The following MCUB variants were observed in gnomAD, a reference collection of about 807,000 sequenced individuals.
MCUB encodes the protein mitochondrial calcium uniporter dominant negative subunit beta.
In MCUB, 46 loss-of-function variants were observed where a neutral mutation model predicts 41.4. That is an observed-to-expected ratio of 1.11 (90% CI 0.88 to 1.42). The LOEUF is 1.42. Ranked by LOEUF, MCUB falls within the 40% of genes most tolerant of loss-of-function variation. MCUB has a pLI of 0.00. For synonymous variants in MCUB, 148 were observed against 148.2 expected, an observed-to-expected ratio of 1.00 and a Z score of 0.01; for missense variants, 403 against 404.9, an observed-to-expected ratio of 1.00 and a Z score of 0.04.
At chr4:109,635,884 G>A (rs777284474) in intron 1 of MCUB, among the ~76,000 whole-genome samples, 3 of 149,832 alleles carry the variant, frequency 2.0e-5, no homozygotes, top group Non-Finnish European at 4.4e-5. Context: ...TGCTTATTAT[G>A]TAAAATGCAG....
chr4:109,560,452 G>A lies in MCUB; in HGVS notation c.99+16G>A. 8.4e-7 allele frequency: 1 copy of A among 1,185,738 alleles called. No homozygotes were observed. The highest frequency in any genetic ancestry group is 1.1e-6 in the Non-Finnish European group (1 of 931,008). 73.5% of individuals were successfully genotyped at this position (1,185,738 alleles called of 1,614,324 possible). A position where few individuals can be genotyped will look rare whatever the true frequency, so the allele number is the denominator to read the frequency against. On this transcript the variant is annotated intron_variant, in intron 1 of 7. Coordinates refer to ENST00000394650, the MANE Select transcript of MCUB (RefSeq NM_017918.5). ...TCCGCCCCAGGTAAGAGCGGGTGCCGGGCTGTGGGGGTTCGGGGTAGGCTG... is the reference window on the plus strand; with the variant it reads ...TCCGCCCCAGGTAAGAGCGGGTGCCAGGCTGTGGGGGTTCGGGGTAGGCTG...
At chr4:109,617,071 T>C (rs1420148389) in intron 1 of MCUB, among the ~76,000 whole-genome samples, 1 of 152,238 alleles carries the variant, frequency 6.6e-6, no homozygotes, top group Non-Finnish European at 1.5e-5. Flanking sequence ...TTGTGATCTC[T>C]CTGCTTTGTA....
chr4:109,578,700 G>C (rs1727092362), intron 1 of MCUB, among the ~76,000 whole-genome samples: 1 of 152,040 alleles, frequency 6.6e-6, no homozygotes, highest in Non-Finnish European at 1.5e-5. Flanking sequence ...TAGAGACAAG[G>C]TCTCACTGTG....
chr4:109,583,708 A>G (rs1727238649), intron 1 of MCUB, among the ~76,000 whole-genome samples: 1 of 152,156 alleles, frequency 6.6e-6, no homozygotes, highest in South Asian at 2.1e-4. Context: ...TTTGTCATAA[A>G]TAGCTCTTAT....
At chr4:109,598,306 T>C (rs1239990650) in intron 1 of MCUB, among the ~76,000 whole-genome samples, 2 of 151,938 alleles carry the variant, frequency 1.3e-5, no homozygotes, top group South Asian at 2.1e-4. Context: ...CGGGGCACCA[T>C]TGAGCACTGA....
At chr4:109,616,331 G>C (rs764241599) in intron 1 of MCUB, among the ~76,000 whole-genome samples, 14 of 152,050 alleles carry the variant, frequency 9.2e-5, no homozygotes, top group Non-Finnish European at 1.9e-4. Flanking sequence ...CCTTTATTAT[G>C]TATACTGTCC....
At chr4:109,626,846 GGAAGCC>G (rs1264011770) in intron 1 of MCUB, among the ~76,000 whole-genome samples, 1 of 138,098 alleles carries the variant, frequency 7.2e-6, no homozygotes, top group Non-Finnish European at 1.5e-5. Flanking sequence ...AAAAAAAAAA[GGAAGCC>G]TGGATAGCGT....
At chr4:109,647,287 A>C (rs1203525780) in intron 1 of MCUB, among the ~76,000 whole-genome samples, 1 of 152,210 alleles carries the variant, frequency 6.6e-6, no homozygotes, top group Non-Finnish European at 1.5e-5. Context: ...TCTACATTAT[A>C]GTGTCATACA....
intron 1 of MCUB, among the ~76,000 whole-genome samples, chr4:109,656,453 T>G (rs978273770): frequency 7.2e-6 from 1 of 139,452 alleles, no homozygotes; most frequent in African/African-American, 2.7e-5. Context: ...CTCGGTTCAC[T>G]GCAGCCGCCT....
At chr4:109,565,433 C>T (rs1263425058) in intron 1 of MCUB, among the ~76,000 whole-genome samples, 1 of 152,138 alleles carries the variant, frequency 6.6e-6, no homozygotes, top group Non-Finnish European at 1.5e-5. Flanking sequence ...AACTGACTAC[C>T]AATGTTTCAT....
At chr4:109,663,146 C>G (rs117661607) in intron 3 of MCUB, among the ~76,000 whole-genome samples, 1 of 152,140 alleles carries the variant, frequency 6.6e-6, no homozygotes, top group Non-Finnish European at 1.5e-5. Context: ...TAAAATAGCT[C>G]GGGTTGAATG....
chr4:109,598,764 T>C (rs1272111312), intron 1 of MCUB, among the ~76,000 whole-genome samples: 2 of 152,250 alleles, frequency 1.3e-5, no homozygotes, highest in African/African-American at 4.8e-5. Flanking sequence ...GACTTCTTAT[T>C]GAGTTCGTTT....
chr4:109,615,127 C>T (rs926280421), intron 1 of MCUB, among the ~76,000 whole-genome samples: 3 of 152,168 alleles, frequency 2.0e-5, no homozygotes, highest in African/African-American at 7.2e-5. Flanking sequence ...GCCCTCTTTT[C>T]CCCCTGGAAG....
At chr4:109,670,541 C>A (rs1385051714) in intron 4 of MCUB, among the ~76,000 whole-genome samples, 1 of 151,938 alleles carries the variant, frequency 6.6e-6, no homozygotes, top group Admixed American at 6.6e-5. Context: ...CATGGTGAAA[C>A]CCTGTCTCTA....
chr4:109,571,546 C>G (rs1234073893), intron 1 of MCUB, among the ~76,000 whole-genome samples: 1 of 152,184 alleles, frequency 6.6e-6, no homozygotes, highest in Non-Finnish European at 1.5e-5. Context: ...CTCCTGACCT[C>G]AGGTGATCCA....
intron 1 of MCUB, among the ~76,000 whole-genome samples, chr4:109,584,070 C>T (rs1458416354): frequency 1.3e-5 from 2 of 152,064 alleles, no homozygotes; most frequent in Non-Finnish European, 1.5e-5. Flanking sequence ...CTGTGAATTC[C>T]TCTGGTCCTG....
intron 1 of MCUB, among the ~76,000 whole-genome samples, chr4:109,564,877 C>G (rs1020352165): frequency 6.6e-6 from 1 of 152,164 alleles, no homozygotes; most frequent in Non-Finnish European, 1.5e-5. Context: ...AGAGTAGTAA[C>G]TTCAGTACTA....
chr4:109,562,439 A>G (rs986958840), intron 1 of MCUB, among the ~76,000 whole-genome samples: 1 of 152,210 alleles, frequency 6.6e-6, no homozygotes, highest in African/African-American at 2.4e-5. Context: ...AACCGATAAA[A>G]ATATTCTGGC....
At position 109,597,281 on chromosome 4, in the gene MCUB, G is replaced by A. The variant is rs566731443; in HGVS notation, c.99+36845G>A. On this transcript the variant is annotated intron_variant, in intron 1 of 7. Coordinates refer to ENST00000394650, the MANE Select transcript of MCUB (RefSeq NM_017918.5). ...CCAGACAGGGTGGTGGCCGGGCAGA[G>A]GGGCTCCTCACTTCCCAGTAGGGGC... Among the ~76,000 whole-genome samples the A allele has an allele frequency of 3.6e-3, 544 of 152,114 alleles. 4 individuals carry two copies. The highest frequency in any genetic ancestry group is 0.013 in the African/African-American group (531 of 41,480).
Sources: gnomAD v4.1 joint callset for allele counts (sites outside exome capture counted in the v4.1 genomes callset) on GRCh38, gnomAD v4.1.1 for gene constraint, MANE v1.5 for transcripts, NCBI Gene and HGNC (gene_info 2026-07-23, HGNC 2026-07-21) for gene names.